The following LMTK2 variants were observed in gnomAD, a reference collection of about 807,000 sequenced individuals.
LMTK2 encodes serine/threonine-protein kinase LMTK2.
LMTK2 carries 37 observed loss-of-function variants against 127.5 expected under a neutral mutation model. That is an observed-to-expected ratio of 0.29 (90% CI 0.22 to 0.38). LMTK2 has a LOEUF of 0.38. Among genes scored for constraint, LMTK2 ranks in the 10% least tolerant of loss-of-function variants. The probability of loss-of-function intolerance (pLI) is 1.00; values close to 1 mark genes in which losing one functional copy is unlikely to be tolerated. For missense variants in LMTK2, 1,694 were observed against 1,920.3 expected, an observed-to-expected ratio of 0.88 and a Z score of 2.20; for synonymous variants, 819 against 810.1, an observed-to-expected ratio of 1.01 and a Z score of -0.19.
intron 4 of LMTK2, among the ~76,000 whole-genome samples, chr7:98,153,198 C>G (rs558807723): frequency 6.6e-6 from 1 of 152,070 alleles, no homozygotes. Context: ...ACATGTAAAT[C>G]CGAGTGATCT....
intron 1 of LMTK2, among the ~76,000 whole-genome samples, chr7:98,133,166 A>T (rs990321985): frequency 6.6e-6 from 1 of 152,244 alleles, no homozygotes; most frequent in Non-Finnish European, 1.5e-5. Context: ...GCCAGACCTC[A>T]TGTGGTGCTT....
chr7:98,152,592 C>CT (rs1165293958), intron 4 of LMTK2, among the ~76,000 whole-genome samples: 1 of 152,134 alleles, frequency 6.6e-6, no homozygotes, highest in African/African-American at 2.4e-5. Context: ...CTTCACAAGG[C>CT]TTAGATATCT....
At chr7:98,137,513 C>G (rs935757831) in intron 2 of LMTK2, 71 bp downstream of exon 2, 5 of 1,449,198 alleles carry the variant, frequency 3.5e-6, no homozygotes, top group Non-Finnish European at 3.7e-6. Flanking sequence ...CTGGATAGCA[C>G]AGTCCTTTGG....
intron 6 of LMTK2, among the ~76,000 whole-genome samples, chr7:98,168,401 G>A (rs769189033): frequency 2.0e-5 from 3 of 152,244 alleles, no homozygotes; most frequent in South Asian, 2.1e-4. Context: ...CCCGGGCTTC[G>A]CGGAGGCGTG....
Position 98,205,449 on chromosome 7 carries a change from C to G in LMTK2, c.4484-15C>G, listed in dbSNP as rs1483384856. 6.2e-7 allele frequency: 1 copy of G among 1,613,768 alleles called. No homozygotes were observed. The highest frequency in any genetic ancestry group is 1.1e-5 in the South Asian group (1 of 91,092). ...AAACCCAGCTTTGTCGTCTCGCTTCCTCTCTCCTCAACAGGAAGCAGCGAA... is the reference window on the plus strand; with the variant it reads ...AAACCCAGCTTTGTCGTCTCGCTTCGTCTCTCCTCAACAGGAAGCAGCGAA... On this transcript the variant is annotated splice_polypyrimidine_tract_variant and intron_variant, in intron 13 of 13. Transcript: ENST00000297293.
Position 98,107,232 on chromosome 7 carries a change from C to T in LMTK2, c.55C>T (p.Leu19=), listed in dbSNP as rs944808629. 6 of 1,461,810 alleles carry T rather than the reference C, an allele frequency of 4.1e-6. No individual in the cohort carries two copies. Among genetic ancestry groups the T allele is most frequent in the Middle Eastern group, 2.3e-4 (1 of 4,294 alleles). 90.6% of individuals were successfully genotyped at this position (1,461,810 alleles called of 1,614,324 possible). The stretch of plus-strand genomic sequence containing the variant: ...GCTGCTGCTGCTGCTGCTGGTCCTC[C>T]TGATCGCCGGCAGTGCTGGGGCCGC... ...RRLLLLLLVL[L]IAGSAGAAPL... Residue 19 remains leucine, a synonymous_variant, in exon 1 of 14, where the codon CTG becomes TTG. Coordinates refer to ENST00000297293, the MANE Select transcript of LMTK2 (RefSeq NM_014916.4).
chr7:98,166,077 C>A (rs573396033), intron 6 of LMTK2, among the ~76,000 whole-genome samples: 3 of 152,252 alleles, frequency 2.0e-5, no homozygotes, highest in African/African-American at 7.2e-5. Context: ...CCGGGCACTA[C>A]GGCCTTGGCC....
intron 1 of LMTK2, among the ~76,000 whole-genome samples, chr7:98,128,886 AC>A (rs1796480336): frequency 6.6e-6 from 1 of 152,160 alleles, no homozygotes; most frequent in South Asian, 2.1e-4. Context: ...TCTTAATAAA[AC>A]ACCTTAGTTA....
At chr7:98,201,283 TC>T (rs1229711610) in intron 11 of LMTK2, among the ~76,000 whole-genome samples, 1 of 152,200 alleles carries the variant, frequency 6.6e-6, no homozygotes, top group African/African-American at 2.4e-5. Flanking sequence ...AAGTGGAGCG[TC>T]CCTTATCTGA....
chr7:98,202,173 A>G (rs922311774), intron 11 of LMTK2, among the ~76,000 whole-genome samples: 5 of 151,914 alleles, frequency 3.3e-5, no homozygotes, highest in Non-Finnish European at 7.4e-5. Context: ...TCTGTCTTCA[A>G]GGTCCCTGAT....
chr7:98,127,922 C>G (rs1796467098), intron 1 of LMTK2, among the ~76,000 whole-genome samples: 1 of 152,180 alleles, frequency 6.6e-6, no homozygotes, highest in Non-Finnish European at 1.5e-5. Flanking sequence ...GTGGGTGGAT[C>G]ACCTAAGATC....
chr7:98,140,635 T>C (rs1283206525), intron 2 of LMTK2, among the ~76,000 whole-genome samples: 1 of 152,212 alleles, frequency 6.6e-6, no homozygotes, highest in Non-Finnish European at 1.5e-5. Flanking sequence ...CTTAAAAATA[T>C]CTTTTCTGAG....
rs867850927 is a variant in LMTK2, at chr7:98,192,472, A to C, written c.2007A>C (p.Leu669Phe). The C allele has an allele frequency of 3.1e-6, 5 of 1,611,296 alleles. No homozygotes were observed. The African/African-American group carries it at 4.0e-5, about 13-fold the overall frequency. ...GVQADFKPAT[L>F]SSSLDNPKES... ...AAGCCGACTTTAAACCTGCCACTTT[A>C]AGTTCCAGTTTGGATAACCCCAAAG... The change falls in exon 11 of 14, where the codon TTA becomes TTC. Residue 669 changes from leucine (L) to phenylalanine (F), a missense_variant. Physicochemically the swap from Leu to Phe is conservative, Grantham distance 22 (BLOSUM62 0). Coordinates refer to ENST00000297293, the MANE Select transcript of LMTK2 (RefSeq NM_014916.4).
In LMTK2 at chr7:98,194,426, A is replaced by C. The variant is rs1304141896; in HGVS notation, c.3961A>C (p.Ile1321Leu). The C allele has an allele frequency of 1.2e-6, 2 of 1,614,132 alleles. No individual in the cohort carries two copies. Among genetic ancestry groups the C allele is most frequent in the Admixed American group, 1.7e-5 (1 of 60,026 alleles). Residue 1321 changes from isoleucine to leucine, a missense_variant, in exon 11 of 14, where the codon ATC becomes CTC. Physicochemically the swap from Ile to Leu is conservative, Grantham distance 5. This residue lies in a region of LMTK2 where 554 missense variants were observed against 567.7 expected (regional missense o/e 0.98). Transcript: ENST00000297293. The surrounding 1 kb of genome is among the most constrained non-coding windows in gnomAD (Gnocchi z 5.4). ...EDETEHPVPI[I>L]LSNEDGRHLR... ...CGAGACCGAGCACCCCGTGCCCATC[A>C]TCCTCAGCAACGAGGACGGAAGGCA...
chr7:98,107,549 G>A (rs575717558), intron 1 of LMTK2, among the ~76,000 whole-genome samples: 3 of 152,248 alleles, frequency 2.0e-5, no homozygotes, highest in African/African-American at 7.2e-5. Flanking sequence ...GCCGGCCCTG[G>A]ACCTGTTGCC....
At position 98,194,364 on chromosome 7, in the gene LMTK2, C is replaced by T. The variant is rs1404861613; in HGVS notation, c.3899C>T (p.Ala1300Val). ...NSDDSDEDLRAFNLHSLSSES... is the reference protein window; with the variant it reads ...NSDDSDEDLRVFNLHSLSSES... ...GACGACTCGGACGAGGACCTGCGGG[C>T]CTTCAACCTGCATAGCCTCAGCTCC... Residue 1300 changes from alanine (A) to valine (V), a missense_variant, in exon 11 of 14, where the codon GCC becomes GTC. Coordinates refer to ENST00000297293, the MANE Select transcript of LMTK2 (RefSeq NM_014916.4). The surrounding 1 kb of genome is among the most constrained non-coding windows in gnomAD (Gnocchi z 5.4). The T allele has an allele frequency of 6.8e-6, 11 of 1,614,014 alleles. No individual in the cohort carries two copies. Among genetic ancestry groups the T allele is most frequent in the Non-Finnish European group, 9.3e-6 (11 of 1,180,024 alleles).
intron 9 of LMTK2, among the ~76,000 whole-genome samples, chr7:98,189,715 C>T (rs2116456349): frequency 6.6e-6 from 1 of 152,312 alleles, no homozygotes; most frequent in Middle Eastern, 3.4e-3. Flanking sequence ...ACCCAGGAAG[C>T]CAGCAGAGGC....
rs189853636 is a variant in LMTK2 at position 98,118,210 on chromosome 7, T to C, written c.103+10930T>C. On this transcript the variant is annotated intron_variant, in intron 1 of 13. Transcript: ENST00000297293. ...ATAAACATTCTAAATACCATGTTTGTGGTACTAACTGCATTATAATGATAT... is the reference window on the plus strand; with the variant it reads ...ATAAACATTCTAAATACCATGTTTGCGGTACTAACTGCATTATAATGATAT... Among the ~76,000 whole-genome samples, 11 of 152,366 alleles carry C rather than the reference T, an allele frequency of 7.2e-5. No homozygotes were observed. The East Asian group carries it at 1.9e-3, about 27-fold the overall frequency.
At chr7:98,177,805 A>G (rs1054299786) in intron 7 of LMTK2, among the ~76,000 whole-genome samples, 5 of 152,260 alleles carry the variant, frequency 3.3e-5, no homozygotes, top group African/African-American at 1.2e-4. Context: ...TTGCCCAGCT[A>G]GCAAAGACTG....
Sources: allele counts gnomAD v4.1 joint callset (sites outside exome capture counted in the v4.1 genomes callset), GRCh38; gene constraint gnomAD v4.1.1; regional missense constraint gnomAD v4.1.1; non-coding constraint Gnocchi (gnomAD v3.1); transcripts MANE v1.5; gene names NCBI Gene and HGNC (gene_info 2026-07-23, HGNC 2026-07-21).